Variants in GMDS observed in about 807,000 individuals in gnomAD.
GMDS encodes the protein GDP-mannose 4,6 dehydratase.
Under a neutral mutation model 49.9 loss-of-function variants are expected in GMDS, and 20 were observed. The ratio of observed to expected loss-of-function variants is 0.40; its 90% CI spans 0.28 to 0.58. The LOEUF (loss-of-function observed/expected upper bound fraction) is 0.58, where lower values mean the gene tolerates loss of function less well. Ranked by LOEUF, GMDS falls within the 20% of genes least tolerant of loss-of-function variation. The pLI is 0.42. For synonymous variants in GMDS, 177 were observed against 178.6 expected, an observed-to-expected ratio of 0.99 and a Z score of 0.07; for missense variants, 362 against 481.4, an observed-to-expected ratio of 0.75 and a Z score of 2.32.
chr6:2,235,025 T>A (rs1477970237), intron 1 of GMDS, among the ~76,000 whole-genome samples: 1 of 152,114 alleles, frequency 6.6e-6, no homozygotes, highest in Non-Finnish European at 1.5e-5. Flanking sequence ...CTCTGGAGGC[T>A]GAGGCAGGAG....
At position 1,836,637 on chromosome 6, in the gene GMDS, A is replaced by T. The variant is rs997129226; in HGVS notation, c.771+93466T>A. Reference sequence around the variant, plus strand: ...CTTACGAAAATAGTCCATAAAAGGGAGATTGGGTAGAAGCGGCTGATGAAC... The same window carrying T: ...CTTACGAAAATAGTCCATAAAAGGGTGATTGGGTAGAAGCGGCTGATGAAC... On this transcript the variant is annotated intron_variant, in intron 7 of 10. Transcript: ENST00000380815. The surrounding 1 kb of genome is among the most constrained non-coding windows in gnomAD (Gnocchi z 4.2). 6.6e-6 allele frequency among the ~76,000 whole-genome samples: 1 copy of T among 152,206 alleles called. No individual in the cohort carries two copies. The highest frequency in any genetic ancestry group is 1.5e-5 in the Non-Finnish European group (1 of 68,034).
At chr6:1,861,601 A>G (rs1174917785) in intron 7 of GMDS, among the ~76,000 whole-genome samples, 8 of 151,218 alleles carry the variant, frequency 5.3e-5, no homozygotes, top group Non-Finnish European at 1.2e-4. Flanking sequence ...GCTAGAGGGC[A>G]TCACTGCTCT....
intron 1 of GMDS, among the ~76,000 whole-genome samples, chr6:2,228,582 T>G (rs1466154896): frequency 1.3e-5 from 2 of 152,182 alleles, no homozygotes. Flanking sequence ...TGATCCAAAG[T>G]GTGTGCTTTA....
At chr6:1,796,139 C>T (rs966011366) in intron 7 of GMDS, among the ~76,000 whole-genome samples, 1 of 152,170 alleles carries the variant, frequency 6.6e-6, no homozygotes, top group Admixed American at 6.5e-5. Context: ...CAGCTGTGAA[C>T]TGTGGACAGG....
chr6:2,004,361 C>G (rs997645735), intron 4 of GMDS, among the ~76,000 whole-genome samples: 5 of 152,134 alleles, frequency 3.3e-5, no homozygotes, highest in Non-Finnish European at 2.9e-5. Flanking sequence ...TTATCCCTCA[C>G]CATGAAATAG....
At chr6:2,117,592 T>C (rs1339813834) in intron 2 of GMDS, 36 bp from the exon 3 acceptor site, 1 of 1,043,686 alleles carries the variant, frequency 9.6e-7, no homozygotes, top group South Asian at 1.3e-5. Context: ...AAATGTGCAA[T>C]GAGGACTAAT....
chr6:2,199,147 G>A (rs531203657), intron 1 of GMDS, among the ~76,000 whole-genome samples: 1 of 152,190 alleles, frequency 6.6e-6, no homozygotes, highest in East Asian at 1.9e-4. Context: ...GGACATAATG[G>A]TATAAATATT....
intron 4 of GMDS, among the ~76,000 whole-genome samples, chr6:2,039,252 C>A (rs1298807470): frequency 1.3e-5 from 2 of 152,148 alleles, no homozygotes; most frequent in Non-Finnish European, 2.9e-5. Flanking sequence ...ATGGAGCTTG[C>A]AGGACTGGAA....
intron 1 of GMDS, among the ~76,000 whole-genome samples, chr6:2,234,641 A>T (rs11756380): frequency 0.022 from 3,416 of 152,064 alleles, 58 homozygotes; most frequent in Non-Finnish European, 0.037. Flanking sequence ...ATCCTAGCAA[A>T]CTTACAAGAT....
At chr6:1,821,957 G>T (rs190179903) in intron 7 of GMDS, among the ~76,000 whole-genome samples, 1 of 152,158 alleles carries the variant, frequency 6.6e-6, no homozygotes, top group East Asian at 1.9e-4. Context: ...AGGGTTAAAG[G>T]CTGGGTCAAT....
At position 1,846,420 on chromosome 6, in the gene GMDS, C is replaced by T. The variant is rs575401536; in HGVS notation, c.771+83683G>A. On this transcript the variant is annotated intron_variant, in intron 7 of 10. Coordinates refer to ENST00000380815, the MANE Select transcript of GMDS (RefSeq NM_001500.4). ...ACACCATGATTCTAATGCCCTTTTT[C>T]TCTCTAAAATTCTCAATATCAATAA... is the stretch of plus-strand genomic sequence containing the variant. 4.6e-5 allele frequency among the ~76,000 whole-genome samples: 7 copies of T among 152,218 alleles called. No homozygotes were observed. In the South Asian group the frequency reaches 1.5e-3, roughly 32 times the overall value.
chr6:1,924,802 G>A (rs1486821078), intron 7 of GMDS, among the ~76,000 whole-genome samples: 4 of 152,162 alleles, frequency 2.6e-5, no homozygotes, highest in Non-Finnish European at 4.4e-5. Context: ...GAGTGTTCTC[G>A]TGAAGCTGCT....
intron 1 of GMDS, among the ~76,000 whole-genome samples, chr6:2,150,397 A>G (rs1776786058): frequency 6.6e-6 from 1 of 152,180 alleles, no homozygotes; most frequent in Non-Finnish European, 1.5e-5. Flanking sequence ...AAAAAATAAA[A>G]ATTTTTAAAC....
intron 1 of GMDS, among the ~76,000 whole-genome samples, chr6:2,183,804 C>T (rs1778659843): frequency 6.6e-6 from 1 of 152,150 alleles, no homozygotes; most frequent in Admixed American, 6.5e-5. Context: ...AGTCAGCAGC[C>T]ACTAAAAGGG....
At chr6:2,060,357 G>A (rs1771072092) in intron 4 of GMDS, among the ~76,000 whole-genome samples, 1 of 152,158 alleles carries the variant, frequency 6.6e-6, no homozygotes, top group Non-Finnish European at 1.5e-5. Context: ...AGCACAGCTT[G>A]AATATTCATA....
chr6:2,161,452 T>C (rs1468613302), intron 1 of GMDS, among the ~76,000 whole-genome samples: 1 of 152,210 alleles, frequency 6.6e-6, no homozygotes, highest in African/African-American at 2.4e-5. Flanking sequence ...GTATCTACCA[T>C]CTGACATCTT....
At position 1,845,116 on chromosome 6, in the gene GMDS, T is replaced by C. The variant is rs527947230; in HGVS notation, c.771+84987A>G. Among the ~76,000 whole-genome samples the C allele has an allele frequency of 4.6e-5, 7 of 152,350 alleles. No homozygotes were observed. In the South Asian group the frequency reaches 8.3e-4, roughly 18 times the overall value. On this transcript the variant is annotated intron_variant, in intron 7 of 10. Transcript: ENST00000380815. ...AGGAAAGTAGAAACATCTGAAATAA[T>C]GGCAAGACAAATTGTTTTCATATCA...
chr6:1,902,878 A>G (rs1383423219), intron 7 of GMDS, among the ~76,000 whole-genome samples: 3 of 152,236 alleles, frequency 2.0e-5, no homozygotes, highest in Non-Finnish European at 4.4e-5. Flanking sequence ...AAACATCAAT[A>G]TAACATTGTG....
chr6:1,865,614 C>T (rs186755090), intron 7 of GMDS, among the ~76,000 whole-genome samples: 1 of 152,058 alleles, frequency 6.6e-6, no homozygotes, highest in East Asian at 1.9e-4. Flanking sequence ...CCTCAGAATG[C>T]TTAGGTTAAA....
Sources: gnomAD v4.1 joint callset for allele counts (sites outside exome capture counted in the v4.1 genomes callset) on GRCh38, gnomAD v4.1.1 for gene constraint, Gnocchi (gnomAD v3.1) non-coding constraint, MANE v1.5 for transcripts, NCBI Gene and HGNC (gene_info 2026-07-23, HGNC 2026-07-21) for gene names.